The following VAT1L variants were observed in gnomAD, a reference collection of about 807,000 sequenced individuals.
VAT1L encodes putative NADPH-dependent quinone oxidoreductase VAT1L.
In VAT1L, 34 loss-of-function variants were observed where a neutral mutation model predicts 44.1. The observed-to-expected ratio is 0.77, with a 90% confidence interval of 0.59 to 1.03. The LOEUF (loss-of-function observed/expected upper bound fraction) is 1.03. VAT1L is among the 50% of genes least tolerant of loss of function. The pLI, the probability that VAT1L is intolerant of heterozygous loss-of-function variation, is 0.00. For missense variants in VAT1L, 615 were observed against 538.8 expected (o/e 1.14, Z -1.40); for synonymous variants, 253 against 202.2 (o/e 1.25, Z -2.13).
At chr16:77,903,807 G>C (rs952620640) in intron 7 of VAT1L, among the ~76,000 whole-genome samples, 1 of 150,274 alleles carries the variant, frequency 6.7e-6, no homozygotes, top group African/African-American at 2.5e-5. Flanking sequence ...CGTGATCTCG[G>C]CTCACTGCAA....
intron 7 of VAT1L, among the ~76,000 whole-genome samples, chr16:77,941,911 G>A (rs2017889632): frequency 6.6e-6 from 1 of 152,054 alleles, no homozygotes; most frequent in Admixed American, 6.5e-5. Context: ...TTGCACAATG[G>A]TTGAGCTAAT....
chr16:77,959,951 G>A (rs1173114344), intron 7 of VAT1L, among the ~76,000 whole-genome samples: 2 of 151,928 alleles, frequency 1.3e-5, no homozygotes, highest in African/African-American at 4.8e-5. Flanking sequence ...AGTCTCTCCT[G>A]TCACATTCCA....
intron 7 of VAT1L, among the ~76,000 whole-genome samples, chr16:77,928,488 G>C (rs751590092): frequency 5.3e-5 from 8 of 152,266 alleles, no homozygotes; most frequent in Non-Finnish European, 8.8e-5. Context: ...TCCTGTGAGA[G>C]ACAAAAGTCA....
At chr16:77,929,918 G>C (rs1340574540) in intron 7 of VAT1L, among the ~76,000 whole-genome samples, 1 of 152,182 alleles carries the variant, frequency 6.6e-6, no homozygotes, top group Non-Finnish European at 1.5e-5. Flanking sequence ...GAGTGGAGGA[G>C]TTTGAGACTA....
Position 77,900,443 on chromosome 16 carries a change from C to T in VAT1L, c.1077+15641C>T, listed in dbSNP as rs566289900. On this transcript the variant is annotated intron_variant, in intron 7 of 8. Transcript: ENST00000302536. Reference sequence around the variant, plus strand: ...GCAAGGTGGCTCACATCTATAATCCCAGCATTTTGGGAGGACAAGGCGGGG... The same window carrying T: ...GCAAGGTGGCTCACATCTATAATCCTAGCATTTTGGGAGGACAAGGCGGGG... Among the ~76,000 whole-genome samples the T allele has an allele frequency of 2.6e-5, 4 of 152,044 alleles. No homozygotes were observed. The East Asian group carries it at 7.7e-4, about 29-fold the overall frequency.
chr16:77,954,525 T>G (rs1169226127), intron 7 of VAT1L, among the ~76,000 whole-genome samples: 2 of 152,078 alleles, frequency 1.3e-5, no homozygotes, highest in African/African-American at 4.8e-5. Flanking sequence ...CTCAAGAGGC[T>G]GAGGCAGGAG....
At chr16:77,951,939 G>C (rs1375515637) in intron 7 of VAT1L, among the ~76,000 whole-genome samples, 1 of 152,118 alleles carries the variant, frequency 6.6e-6, no homozygotes, top group Admixed American at 6.5e-5. Flanking sequence ...TGAAACAAAA[G>C]GTAGAGAATT....
chr16:77,848,860 A>G (rs1332216677), intron 3 of VAT1L, among the ~76,000 whole-genome samples: 1 of 152,202 alleles, frequency 6.6e-6, no homozygotes, highest in Non-Finnish European at 1.5e-5. Context: ...CCATGCAGCC[A>G]TAAAAAAGGA....
At chr16:77,864,162 G>C (rs548041171) in intron 4 of VAT1L, among the ~76,000 whole-genome samples, 2 of 152,314 alleles carry the variant, frequency 1.3e-5, no homozygotes, top group South Asian at 4.1e-4. Context: ...TGGGCCCCAG[G>C]CTTGTTCTCA....
chr16:77,873,296 T>G (rs1336113913), intron 4 of VAT1L, among the ~76,000 whole-genome samples: 1 of 152,222 alleles, frequency 6.6e-6, no homozygotes, highest in African/African-American at 2.4e-5. Context: ...GTGATTTCAT[T>G]TTTTTAAAAG....
intron 7 of VAT1L, among the ~76,000 whole-genome samples, chr16:77,919,149 T>TGCATGTGTGTGCAC: frequency 6.6e-6 from 1 of 152,118 alleles, no homozygotes; most frequent in Admixed American, 6.5e-5. Flanking sequence ...TGTGTGTGCA[T>TGCATGTGTGTGCAC]GCATGTGTGT....
chr16:77,978,142 C>T lies in VAT1L; in HGVS notation c.*447C>T, dbSNP rs960023260. On this transcript the variant is annotated 3_prime_UTR_variant, in exon 9 of 9. Transcript: ENST00000302536. ...GCCACCCATGCCTCTGATGAGAACA[C>T]TTGCCAATTTGGCCAGCAGAAAGAG... The T allele has an allele frequency of 1.3e-5, 2 of 157,602 alleles. No homozygotes were observed. Among genetic ancestry groups the T allele is most frequent in the African/African-American group, 2.4e-5 (1 of 41,474 alleles). 9.8% of individuals were successfully genotyped at this position (157,602 alleles called of 1,614,324 possible). A position where few individuals can be genotyped will look rare whatever the true frequency, so the allele number is the denominator to read the frequency against.
intron 3 of VAT1L, among the ~76,000 whole-genome samples, chr16:77,840,730 C>CCT (rs373884118): frequency 0.031 from 4,792 of 152,218 alleles, 261 homozygotes; most frequent in African/African-American, 0.11. Context: ...TTGGCAGATA[C>CCT]GTGTTTGATT....
Position 77,945,513 on chromosome 16 carries a change from T to C in VAT1L, c.1078-26337T>C, listed in dbSNP as rs1227753526. On this transcript the variant is annotated intron_variant, in intron 7 of 8. Coordinates refer to ENST00000302536, the MANE Select transcript of VAT1L (RefSeq NM_020927.3). ...CTGTGTTGCCAAAGCTGGTCTCGAA[T>C]TCCTGGCCTCAAGCGATTGTCCTGC... Among the ~76,000 whole-genome samples, 3 of 151,942 alleles carry C rather than the reference T, an allele frequency of 2.0e-5. No homozygotes were observed. In the East Asian group the frequency reaches 5.8e-4, roughly 29 times the overall value.
chr16:77,948,772 C>G (rs1271781091), intron 7 of VAT1L, among the ~76,000 whole-genome samples: 1 of 152,096 alleles, frequency 6.6e-6, no homozygotes, highest in South Asian at 2.1e-4. Flanking sequence ...CTTTGACATA[C>G]TATGTTTATG....
chr16:77,851,976 A>T (rs575529792), intron 3 of VAT1L, among the ~76,000 whole-genome samples: 32 of 152,252 alleles, frequency 2.1e-4, no homozygotes, highest in African/African-American at 7.7e-4. Context: ...CAAGAGCAGG[A>T]TCAGAACTCA....
chr16:77,924,546 C>T (rs369065298), intron 7 of VAT1L, among the ~76,000 whole-genome samples: 4 of 152,196 alleles, frequency 2.6e-5, no homozygotes, highest in Admixed American at 6.5e-5. Context: ...CTGCAACCTC[C>T]GCCTTCCAGA....
chr16:77,932,726 C>G (rs1168302257), intron 7 of VAT1L, among the ~76,000 whole-genome samples: 2 of 152,176 alleles, frequency 1.3e-5, no homozygotes, highest in Non-Finnish European at 2.9e-5. Flanking sequence ...TCCCTGAGAT[C>G]CACTCATTTG....
intron 7 of VAT1L, among the ~76,000 whole-genome samples, chr16:77,917,320 A>G (rs193115854): frequency 6.6e-5 from 10 of 152,310 alleles, no homozygotes; most frequent in Admixed American, 5.9e-4. Flanking sequence ...TGTAGCCATT[A>G]TGTGGAAAGG....
Sources: gnomAD v4.1 joint callset for allele counts (sites outside exome capture counted in the v4.1 genomes callset) on GRCh38, gnomAD v4.1.1 for gene constraint, MANE v1.5 for transcripts, NCBI Gene and HGNC (gene_info 2026-07-23, HGNC 2026-07-21) for gene names.